FCRL5: variants seen among roughly 807,000 people sequenced by gnomAD.
FCRL5 encodes the protein Fc receptor like 5, also known as Fc receptor-like protein 5.
Under a neutral mutation model 92.1 loss-of-function variants are expected in FCRL5, and 79 were observed. That is an observed-to-expected ratio of 0.86 (90% CI 0.72 to 1.03). The LOEUF is 1.03. Among genes scored for constraint, FCRL5 ranks in the 50% least tolerant of loss-of-function variants. The probability of loss-of-function intolerance (pLI) is 0.00; values close to 1 mark genes in which losing one functional copy is unlikely to be tolerated. For missense variants in FCRL5, 1,160 were observed against 1,181.1 expected (o/e 0.98, Z 0.26); for synonymous variants, 466 against 469.3 (o/e 0.99, Z 0.09).
chr1:157,539,928 A>G (rs1247797934), intron 6 of FCRL5, among the ~76,000 whole-genome samples: 2 of 152,266 alleles, frequency 1.3e-5, no homozygotes, highest in African/African-American at 2.4e-5. Context: ...CTTTTTCTCC[A>G]TATCTTCCCT....
intron 6 of FCRL5, 159 bp downstream of exon 6, chr1:157,542,700 G>T: frequency 3.4e-6 from 3 of 877,200 alleles, no homozygotes; most frequent in Non-Finnish European, 3.5e-6. Flanking sequence ...GACTCAAGAG[G>T]CAGACAGCTG....
rs776177266 is a variant in FCRL5, at chr1:157,521,123, C to T, written c.2409G>A (p.Ala803=). 3.1e-6 allele frequency: 5 copies of T among 1,613,986 alleles called. No homozygotes were observed. Among genetic ancestry groups the T allele is most frequent in the Non-Finnish European group, 3.4e-6 (4 of 1,180,032 alleles). ...LGNRSSPSGG[A]SLNLSLTAEH... ...CTGCAGTCAGAGAGAGGTTTAAGGACGCTCCTCCAGAGGGGGACGACCTAT... is the reference window on the plus strand; with the variant it reads ...CTGCAGTCAGAGAGAGGTTTAAGGATGCTCCTCCAGAGGGGGACGACCTAT... The change falls in exon 11 of 17, where the codon GCG becomes GCA. Residue 803 remains alanine, a synonymous_variant. Transcript: ENST00000361835.
intron 15 of FCRL5, among the ~76,000 whole-genome samples, chr1:157,517,980 T>C (rs551361692): frequency 6.6e-6 from 1 of 152,086 alleles, no homozygotes; most frequent in South Asian, 2.1e-4. Context: ...GTCTGGAAAA[T>C]GGGAATAGGG....
At chr1:157,538,146 T>C (rs1459079478) in intron 7 of FCRL5, among the ~76,000 whole-genome samples, 1 of 152,232 alleles carries the variant, frequency 6.6e-6, no homozygotes, top group Non-Finnish European at 1.5e-5. Context: ...CCACTTTCCT[T>C]GGGCCTCTGA....
chr1:157,518,661 C>T (rs1342627001), intron 14 of FCRL5, 39 bp downstream of exon 14: 1 of 1,580,618 alleles, frequency 6.3e-7, no homozygotes, highest in Admixed American at 1.7e-5. Context: ...CCACACCAGC[C>T]CTCCAGCTTC....
At chr1:157,545,669 C>T (rs1165446959) in intron 3 of FCRL5, among the ~76,000 whole-genome samples, 1 of 151,874 alleles carries the variant, frequency 6.6e-6, no homozygotes, top group Admixed American at 6.6e-5. Context: ...GCTGGGACTA[C>T]AGGCACCCGC....
At chr1:157,550,528 T>C (rs1651766673) in intron 1 of FCRL5, among the ~76,000 whole-genome samples, 1 of 152,202 alleles carries the variant, frequency 6.6e-6, no homozygotes, top group Non-Finnish European at 1.5e-5. Flanking sequence ...GCCCAAGAGA[T>C]GGTAATGTGT....
chr1:157,520,824 C>G (rs918955068), intron 11 of FCRL5, among the ~76,000 whole-genome samples, 193 bp downstream of exon 11: 2 of 152,238 alleles, frequency 1.3e-5, no homozygotes, highest in Non-Finnish European at 2.9e-5. Flanking sequence ...TGCGCCCAGC[C>G]CGCCAACCCG....
In FCRL5 at chr1:157,544,381, G is replaced by C; in HGVS notation, c.725C>G (p.Ser242Cys). 1 of 1,614,202 alleles carries C rather than the reference G, an allele frequency of 6.2e-7. No homozygotes were observed. Among genetic ancestry groups the C allele is most frequent in the Non-Finnish European group, 8.5e-7 (1 of 1,180,038 alleles). The change falls in exon 5 of 17, where the codon TCC becomes TGC. Residue 242 changes from serine to cysteine, a missense_variant. Coordinates refer to ENST00000361835, the MANE Select transcript of FCRL5 (RefSeq NM_031281.3). The part of the protein sequence containing the change: ...DQTLGLGWSL[S>C]PNFQITAMWS... ...CATGGCAGTAATCTGGAAATTCGGG[G>C]AGAGACTCCAGCCTAATCCCAGGGT...
At chr1:157,535,575 AC>A (rs1365676960) in intron 7 of FCRL5, among the ~76,000 whole-genome samples, 1 of 152,130 alleles carries the variant, frequency 6.6e-6, no homozygotes, top group African/African-American at 2.4e-5. Flanking sequence ...CTCAGTTTTT[AC>A]CCCCAATAAT....
In FCRL5 at chr1:157,515,460, A is replaced by G. The variant is rs1649875909; in HGVS notation, c.*215T>C. ...TGGAGTGGGAGCACCTTGCCACTGGATTAAAAAACCTGCCAGTCAGGGCTT... is the reference window on the plus strand; with the variant it reads ...TGGAGTGGGAGCACCTTGCCACTGGGTTAAAAAACCTGCCAGTCAGGGCTT... On this transcript the variant is annotated 3_prime_UTR_variant, in exon 17 of 17. Transcript: ENST00000361835. The G allele has an allele frequency of 4.2e-6, 4 of 961,274 alleles. No homozygotes were observed. The highest frequency in any genetic ancestry group is 4.5e-6 in the Non-Finnish European group (3 of 662,132). 59.5% of individuals were successfully genotyped at this position (961,274 alleles called of 1,614,324 possible).
At chr1:157,547,283 T>C (rs1651595645) in intron 2 of FCRL5, 86 bp from the exon 3 acceptor site, 2 of 1,554,806 alleles carry the variant, frequency 1.3e-6, no homozygotes, top group Non-Finnish European at 1.8e-6. Flanking sequence ...CTGAAGGACC[T>C]GGGTTTGGAG....
chr1:157,526,129 C>G (rs925498738), intron 9 of FCRL5, among the ~76,000 whole-genome samples: 2 of 152,088 alleles, frequency 1.3e-5, no homozygotes, highest in Non-Finnish European at 2.9e-5. Context: ...GTAAAGAAGA[C>G]TGAGAAGAAG....
chr1:157,542,976 C>G lies in FCRL5; in HGVS notation c.1006G>C (p.Glu336Gln). The change falls in exon 6 of 17, where the codon GAA (glutamate) becomes CAA (glutamine). Residue 336 changes from glutamate (E) to glutamine (Q), a missense_variant. Transcript: ENST00000361835. ...VPLRHKSVRC[E>Q]RGASISFSLT... ...GAGAAGCTGATGGATGCTCCCCTTTCACAGCGGACTGACTTGTGCCTCAGG... is the reference window on the plus strand; with the variant it reads ...GAGAAGCTGATGGATGCTCCCCTTTGACAGCGGACTGACTTGTGCCTCAGG... The G allele has an allele frequency of 6.2e-7, 1 of 1,614,232 alleles. No homozygotes were observed. The highest frequency in any genetic ancestry group is 8.5e-7 in the Non-Finnish European group (1 of 1,180,042).
Position 157,515,502 on chromosome 1 carries a change from G to A in FCRL5, c.*173C>T. The A allele has an allele frequency of 7.1e-7, 1 of 1,408,486 alleles. No homozygotes were observed. Among genetic ancestry groups the A allele is most frequent in the South Asian group, 1.3e-5 (1 of 77,672 alleles). 87.2% of individuals were successfully genotyped at this position (1,408,486 alleles called of 1,614,324 possible). A position where few individuals can be genotyped will look rare whatever the true frequency, so the allele number is the denominator to read the frequency against. ...TCAGGGCTTTAACTGGGAAACAGGT[G>A]ACAGTCCAGCAGGGCCCTGCATTCT... is the stretch of plus-strand genomic sequence containing the variant. On this transcript the variant is annotated 3_prime_UTR_variant, in exon 17 of 17. Coordinates refer to ENST00000361835, the MANE Select transcript of FCRL5 (RefSeq NM_031281.3).
At chr1:157,535,223 C>T (rs1650914531) in intron 7 of FCRL5, among the ~76,000 whole-genome samples, 1 of 152,244 alleles carries the variant, frequency 6.6e-6, no homozygotes, top group Non-Finnish European at 1.5e-5. Context: ...CTCCTCACTT[C>T]TTCCTGCAAC....
chr1:157,552,071 G>T (rs1651844854), intron 1 of FCRL5, among the ~76,000 whole-genome samples: 1 of 152,066 alleles, frequency 6.6e-6, no homozygotes, highest in East Asian at 1.9e-4. Flanking sequence ...ACTTTTTAAA[G>T]AAAAAAATAA....
chr1:157,551,166 A>G (rs1233181121), intron 1 of FCRL5, among the ~76,000 whole-genome samples: 1 of 152,216 alleles, frequency 6.6e-6, no homozygotes, highest in Non-Finnish European at 1.5e-5. Context: ...ACTAGGATTA[A>G]CTGCATTTTG....
intron 12 of FCRL5, among the ~76,000 whole-genome samples, chr1:157,520,090 C>T (rs1290545105): frequency 6.6e-6 from 1 of 152,094 alleles, no homozygotes; most frequent in East Asian, 1.9e-4. Flanking sequence ...TTACTGAATC[C>T]TATCTGGTTT....
Sources: allele counts gnomAD v4.1 joint callset (sites outside exome capture counted in the v4.1 genomes callset), GRCh38; gene constraint gnomAD v4.1.1; transcripts MANE v1.5; gene names NCBI Gene and HGNC (gene_info 2026-07-23, HGNC 2026-07-21).